Variants in AFF1 observed in about 807,000 individuals in gnomAD.
The protein encoded by AFF1 is ALF transcription elongation factor 1.
AFF1 carries 48 observed loss-of-function variants against 121.7 expected under a neutral mutation model. The ratio of observed to expected loss-of-function variants is 0.39; its 90% CI spans 0.31 to 0.50. The LOEUF is 0.50. Ranked by LOEUF, AFF1 falls within the 20% of genes least tolerant of loss-of-function variation. AFF1 has a pLI of 0.76. For missense variants in AFF1, 1,523 were observed against 1,511.7 expected, an observed-to-expected ratio of 1.01 and a Z score of -0.12; for synonymous variants, 613 against 563.0, an observed-to-expected ratio of 1.09 and a Z score of -1.26.
At chr4:87,105,904 A>G in intron 10 of AFF1, 59 bp downstream of exon 10, 1 of 1,584,698 alleles carries the variant, frequency 6.3e-7, no homozygotes, top group Non-Finnish European at 8.7e-7. Context: ...ACCAAATGGG[A>G]AAAATAAAGC....
intron 2 of AFF1, among the ~76,000 whole-genome samples, chr4:86,998,848 C>CT (rs1465709610): frequency 1.3e-5 from 2 of 152,168 alleles, no homozygotes; most frequent in African/African-American, 4.8e-5. Flanking sequence ...GCTCTTCCCA[C>CT]TCCCATCCCT....
At chr4:87,034,783 T>C (rs1054081438) in intron 2 of AFF1, among the ~76,000 whole-genome samples, 2 of 127,956 alleles carry the variant, frequency 1.6e-5, no homozygotes, top group African/African-American at 5.8e-5. Flanking sequence ...TAAAAGAATT[T>C]GGTAAAATCA....
At chr4:87,091,200 C>G (rs1183372754) in intron 6 of AFF1, among the ~76,000 whole-genome samples, 1 of 151,786 alleles carries the variant, frequency 6.6e-6, no homozygotes, top group African/African-American at 2.4e-5. Flanking sequence ...GTCAGGAGAT[C>G]AAGACCATCC....
At chr4:86,983,346 G>T (rs1723924194) in intron 2 of AFF1, among the ~76,000 whole-genome samples, 1 of 152,036 alleles carries the variant, frequency 6.6e-6, no homozygotes, top group Non-Finnish European at 1.5e-5. Context: ...GACCAACATG[G>T]AGAAACCTCG....
chr4:87,099,997 T>C (rs1461282956), intron 8 of AFF1, among the ~76,000 whole-genome samples: 1 of 152,162 alleles, frequency 6.6e-6, no homozygotes, highest in Non-Finnish European at 1.5e-5. Context: ...TTTGAAAACC[T>C]GAGGGAGTCT....
intron 5 of AFF1, among the ~76,000 whole-genome samples, chr4:87,089,435 CA>C (rs1298380433): frequency 6.6e-6 from 1 of 152,172 alleles, no homozygotes; most frequent in South Asian, 2.1e-4. Context: ...TCCTCTCCTT[CA>C]AAAAAGTTCT....
chr4:87,072,478 CTT>C (rs1343310563), intron 4 of AFF1, among the ~76,000 whole-genome samples: 14 of 151,330 alleles, frequency 9.3e-5, no homozygotes, highest in African/African-American at 3.2e-4. Context: ...TCAAGAATAA[CTT>C]TTATATATCT....
intron 2 of AFF1, among the ~76,000 whole-genome samples, chr4:86,964,216 C>T (rs1370872488): frequency 1.3e-5 from 2 of 151,332 alleles, no homozygotes; most frequent in East Asian, 3.9e-4. Context: ...CTCTGCCTCC[C>T]AGGTTCAAGC....
At chr4:87,079,604 G>C (rs1221393223) in intron 4 of AFF1, among the ~76,000 whole-genome samples, 2 of 152,230 alleles carry the variant, frequency 1.3e-5, no homozygotes, top group African/African-American at 4.8e-5. Context: ...CAGCAGTGTT[G>C]AGGTTTTTAG....
At chr4:87,043,748 A>G (rs1730386831) in intron 2 of AFF1, among the ~76,000 whole-genome samples, 1 of 152,190 alleles carries the variant, frequency 6.6e-6, no homozygotes, top group African/African-American at 2.4e-5. Flanking sequence ...TTAAAATCTG[A>G]TATTGCAATA....
chr4:87,003,070 A>C (rs1434616710), intron 2 of AFF1, among the ~76,000 whole-genome samples: 1 of 152,180 alleles, frequency 6.6e-6, no homozygotes, highest in Non-Finnish European at 1.5e-5. Flanking sequence ...TATCCAAGTC[A>C]CAAATCATTT....
chr4:86,953,405 C>T (rs763888343), intron 2 of AFF1, among the ~76,000 whole-genome samples: 8 of 152,178 alleles, frequency 5.3e-5, no homozygotes, highest in Non-Finnish European at 7.3e-5. Context: ...GTATTGAGTA[C>T]GCAGCTCTAA....
At chr4:86,993,271 C>T (rs1377604800) in intron 2 of AFF1, among the ~76,000 whole-genome samples, 2 of 152,160 alleles carry the variant, frequency 1.3e-5, no homozygotes, top group African/African-American at 4.8e-5. Flanking sequence ...TTGATGTAAC[C>T]TCTTTTATGT....
chr4:86,979,022 G>A (rs2149488401), intron 2 of AFF1, among the ~76,000 whole-genome samples: 1 of 152,290 alleles, frequency 6.6e-6, no homozygotes, highest in East Asian at 1.9e-4. Context: ...CCCATTGAAA[G>A]TTTGCCTCAT....
At chr4:86,988,419 G>A (rs185501740) in intron 2 of AFF1, among the ~76,000 whole-genome samples, 3 of 151,812 alleles carry the variant, frequency 2.0e-5, no homozygotes, top group East Asian at 3.9e-4. Context: ...AAAAACATGC[G>A]ATATTTGCCT....
At chr4:87,130,373 C>A (rs952879070) in intron 16 of AFF1, among the ~76,000 whole-genome samples, 28 of 152,170 alleles carry the variant, frequency 1.8e-4, no homozygotes, top group African/African-American at 6.8e-4. Context: ...ACATACGCCA[C>A]ATGTAGAGAG....
At position 87,047,704 on chromosome 4, in the gene AFF1, A is replaced by AG. The variant is rs898542273; in HGVS notation, c.1059+115dup. 6 of 1,417,904 alleles carry AG rather than the reference A, an allele frequency of 4.2e-6. No homozygotes were observed. The African/African-American group carries it at 7.1e-5, about 17-fold the overall frequency. The allele number at this position is 1,417,904 out of a possible 1,614,324, so 87.8% of individuals were successfully genotyped here. On this transcript the variant is annotated intron_variant, in intron 4 of 20. Coordinates refer to ENST00000395146, the MANE Select transcript of AFF1 (RefSeq NM_001166693.3). ...GGAGGTTAGTCCATGGCTTTTGGGT[A>AG]GGGGGAATTCTTTTTGGCTTTAGGA...
chr4:86,958,080 C>T (rs999716923), intron 2 of AFF1, among the ~76,000 whole-genome samples: 18 of 120,956 alleles, frequency 1.5e-4, no homozygotes, highest in East Asian at 5.2e-4. Context: ...TGAACTTTTT[C>T]TTTTTTTTTC....
intron 4 of AFF1, among the ~76,000 whole-genome samples, chr4:87,079,130 C>T (rs1366725220): frequency 6.6e-6 from 1 of 152,004 alleles, no homozygotes; most frequent in Non-Finnish European, 1.5e-5. Flanking sequence ...CAGCACATTG[C>T]CTTTGTGCTC....
Sources: gnomAD v4.1 joint callset for allele counts (sites outside exome capture counted in the v4.1 genomes callset) on GRCh38, gnomAD v4.1.1 for gene constraint, MANE v1.5 for transcripts, NCBI Gene and HGNC (gene_info 2026-07-23, HGNC 2026-07-21) for gene names.